Variants in LRRK2 observed in about 807,000 individuals in gnomAD.
LRRK2 encodes leucine rich repeat kinase 2, also known as leucine-rich repeat serine/threonine-protein kinase 2.
A neutral mutation model predicts 302.6 loss-of-function variants in LRRK2; 203 were observed. The observed-to-expected ratio is 0.67, with a 90% CI of 0.60 to 0.75. The LOEUF is 0.75. Ranked by LOEUF, LRRK2 falls within the 30% of genes least tolerant of loss-of-function variation. LRRK2 has a pLI of 0.00. For missense variants in LRRK2, 2,830 were observed against 2,951.0 expected (o/e 0.96, Z 0.95); for synonymous variants, 1,066 against 1,031.9 (o/e 1.03, Z -0.63).
intron 44 of LRRK2, among the ~76,000 whole-genome samples, chr12:40,352,376 G>A (rs1243680464): frequency 2.0e-5 from 3 of 151,722 alleles, no homozygotes; most frequent in Non-Finnish European, 4.4e-5. Context: ...GCAAATATAA[G>A]ATAAGTTTCT....
chr12:40,364,750 A>G (rs1366398912), intron 48 of LRRK2, 92 bp from the exon 49 acceptor site: 15 of 1,075,078 alleles, frequency 1.4e-5, no homozygotes, highest in Non-Finnish European at 1.9e-5. Context: ...TCATGTTTTA[A>G]TAATTTAAAA....
intron 31 of LRRK2, among the ~76,000 whole-genome samples, 196 bp from the exon 32 acceptor site, chr12:40,313,776 A>C (rs1430772216): frequency 3.9e-5 from 6 of 151,972 alleles, no homozygotes; most frequent in African/African-American, 1.4e-4. Context: ...TGAATCAACA[A>C]TTTTCCTATT....
intron 39 of LRRK2, among the ~76,000 whole-genome samples, chr12:40,330,084 T>C (rs1204752524): frequency 1.3e-5 from 2 of 152,232 alleles, no homozygotes; most frequent in Non-Finnish European, 2.9e-5. Context: ...GATTAATCTA[T>C]GAGTTAGTTT....
At chr12:40,349,756 A>G (rs1946299161) in intron 43 of LRRK2, among the ~76,000 whole-genome samples, 2 of 152,236 alleles carry the variant, frequency 1.3e-5, no homozygotes, top group East Asian at 1.9e-4. Context: ...GCCTCAAGCA[A>G]TCCTCCCGCC....
rs1216662296 is a variant in LRRK2 at position 40,293,894 on chromosome 12, CACATAT to C, written c.2808+233_2808+238del. ...TATGCAGGGTATGAATTTTTTGGGG[CACATAT>C]ATATATATATATATACTTACAGTAC... On this transcript the variant is annotated intron_variant, in intron 21 of 50. Transcript: ENST00000298910. Among the ~76,000 whole-genome samples, 4 of 70,550 alleles carry C rather than the reference CACATAT, an allele frequency of 5.7e-5. 1 individual carries two copies. Among genetic ancestry groups the C allele is most frequent in the South Asian group, 6.0e-4 (1 of 1,658 alleles). 46.3% of individuals were successfully genotyped at this position (70,550 alleles called of 152,430 possible).
chr12:40,317,171 A>G (rs947727583), intron 33 of LRRK2, among the ~76,000 whole-genome samples: 2 of 152,098 alleles, frequency 1.3e-5, no homozygotes, highest in Admixed American at 1.3e-4. Flanking sequence ...ATAGTTATAA[A>G]TATGATAATT....
chr12:40,258,001 G>A (rs939107276), intron 12 of LRRK2, among the ~76,000 whole-genome samples: 2 of 152,116 alleles, frequency 1.3e-5, no homozygotes, highest in African/African-American at 4.8e-5. Flanking sequence ...TGGCACAGAA[G>A]TTGCAGTGAA....
At chr12:40,272,820 A>T (rs1269800251) in intron 14 of LRRK2, among the ~76,000 whole-genome samples, 4 of 152,286 alleles carry the variant, frequency 2.6e-5, no homozygotes, top group Middle Eastern at 6.8e-3. Flanking sequence ...TAAGGAAAGA[A>T]GTCTGATTAT....
intron 18 of LRRK2, among the ~76,000 whole-genome samples, chr12:40,282,040 CT>C (rs1217825299): frequency 3.9e-5 from 1 of 25,942 alleles, no homozygotes; most frequent in Non-Finnish European, 7.5e-5. Flanking sequence ...CTTCCCTTCC[CT>C]TCCCTTCCCT....
intron 38 of LRRK2, among the ~76,000 whole-genome samples, chr12:40,326,459 CTG>C (rs1945553233): frequency 7.1e-6 from 1 of 140,098 alleles, no homozygotes; most frequent in Non-Finnish European, 1.5e-5. Context: ...GAGCGAGACT[CTG>C]TCTCAAAAAA....
intron 47 of LRRK2, among the ~76,000 whole-genome samples, chr12:40,362,015 A>T (rs1237042361): frequency 1.3e-5 from 2 of 152,078 alleles, no homozygotes; most frequent in African/African-American, 4.8e-5. Flanking sequence ...TGAGCAAATT[A>T]TTTAGCATTT....
chr12:40,259,516 C>T lies in LRRK2; in HGVS notation c.1455C>T (p.Pro485=). The T allele has an allele frequency of 6.2e-7, 1 of 1,613,228 alleles. No individual in the cohort carries two copies. Among genetic ancestry groups the T allele is most frequent in the Non-Finnish European group, 8.5e-7 (1 of 1,179,468 alleles). Residue 485 remains proline, a synonymous_variant, in exon 13 of 51, where the codon CCC becomes CCT. Transcript: ENST00000298910. ...TGGATATAATGGCAGCAGTGGTCCC[C>T]AAAATACTAACAGTTATGAAACGTC... ...TSLDIMAAVV[P]KILTVMKRHE... is the part of the protein sequence containing the mutation.
intron 20 of LRRK2, among the ~76,000 whole-genome samples, chr12:40,291,968 A>G (rs759617625): frequency 6.6e-6 from 1 of 152,096 alleles, no homozygotes; most frequent in Non-Finnish European, 1.5e-5. Flanking sequence ...ATATTAATCT[A>G]AGTTTGCAGT....
rs111435410 is a variant in LRRK2 at position 40,309,206 on chromosome 12, C to T, written c.4290C>T (p.Ala1430=). 55 of 1,613,618 alleles carry T rather than the reference C, an allele frequency of 3.4e-5. No individual in the cohort carries two copies. The highest frequency in any genetic ancestry group is 5.5e-5 in the South Asian group (5 of 91,062). The part of the protein sequence containing the change: ...DLSKGQAEVD[A]MKPWLFNIKA... ...GCAAGGGACAGGCTGAAGTTGATGC[C>T]ATGAAGCCTTGGCTCTTCAATATAA... The change falls in exon 30 of 51, where the codon GCC becomes GCT. Residue 1430 remains alanine (A), a synonymous_variant. Transcript: ENST00000298910.
intron 39 of LRRK2, 49 bp downstream of exon 39, chr12:40,328,509 A>C (rs1279780215): frequency 3.7e-6 from 5 of 1,365,586 alleles, no homozygotes; most frequent in Non-Finnish European, 5.1e-6. Flanking sequence ...TTATTAATCT[A>C]CTGGAACTCT....
intron 2 of LRRK2, among the ~76,000 whole-genome samples, chr12:40,231,943 A>G (rs1941219572): frequency 6.6e-6 from 1 of 151,800 alleles, no homozygotes; most frequent in South Asian, 2.1e-4. Context: ...AGCTGAGATT[A>G]CAGGCGCCCA....
chr12:40,252,830 G>C, intron 10 of LRRK2, 80 bp from the exon 11 acceptor site: 1 of 893,292 alleles, frequency 1.1e-6, no homozygotes, highest in South Asian at 1.3e-5. Flanking sequence ...TGTTGTTAGA[G>C]ATATTTGATA....
chr12:40,258,273 G>T (rs544684598), intron 12 of LRRK2, among the ~76,000 whole-genome samples: 4 of 152,286 alleles, frequency 2.6e-5, no homozygotes, highest in Admixed American at 2.6e-4. Context: ...GAAATGTAGC[G>T]TAACTGCAGA....
chr12:40,295,445 C>A lies in LRRK2; in HGVS notation c.2897C>A (p.Ser966Tyr). 4 of 1,612,964 alleles carry A rather than the reference C, an allele frequency of 2.5e-6. No homozygotes were observed. The highest frequency in any genetic ancestry group is 3.4e-6 in the Non-Finnish European group (4 of 1,179,878). The part of the protein sequence containing the change: ...DDSLRSSKLQ[S>Y]HMRHSDSISS... ...ACAAAAGGGTCATCAAAACTTCAAT[C>A]CCATATGAGGCATTCAGACAGCATT... Residue 966 changes from serine (S) to tyrosine (Y), a missense_variant, in exon 23 of 51, where the codon TCC becomes TAC. Transcript: ENST00000298910.
Sources: gnomAD v4.1 joint callset for allele counts (sites outside exome capture counted in the v4.1 genomes callset) on GRCh38, gnomAD v4.1.1 for gene constraint, MANE v1.5 for transcripts, NCBI Gene and HGNC (gene_info 2026-07-23, HGNC 2026-07-21) for gene names.